ELMO1: variants seen among roughly 807,000 people sequenced by gnomAD.
The protein encoded by ELMO1 is engulfment and cell motility protein 1.
Under a neutral mutation model 98.9 loss-of-function variants are expected in ELMO1, and 26 were observed. The ratio of observed to expected loss-of-function variants is 0.26; its 90% CI spans 0.19 to 0.36. ELMO1 has a LOEUF of 0.36. ELMO1 is among the 10% of genes least tolerant of loss of function. The probability of loss-of-function intolerance (pLI) is 1.00; values close to 1 mark genes in which losing one functional copy is unlikely to be tolerated. For missense variants in ELMO1, 627 were observed against 935.2 expected (o/e 0.67, Z 4.30); for synonymous variants, 346 against 346.0 (o/e 1.00, Z 0.00).
At chr7:37,244,905 T>C (rs986390208) in intron 6 of ELMO1, among the ~76,000 whole-genome samples, 7 of 152,148 alleles carry the variant, frequency 4.6e-5, no homozygotes, top group African/African-American at 1.7e-4. Context: ...TAGTGTTAAA[T>C]CCCAAAACTG....
At chr7:37,049,816 T>A (rs1269074562) in intron 15 of ELMO1, among the ~76,000 whole-genome samples, 5 of 151,126 alleles carry the variant, frequency 3.3e-5, no homozygotes, top group Non-Finnish European at 7.4e-5. Context: ...TTGCTCTTGT[T>A]GCCCAGACTG....
intron 10 of ELMO1, among the ~76,000 whole-genome samples, chr7:37,220,463 T>G (rs1793529805): frequency 6.6e-6 from 1 of 152,230 alleles, no homozygotes; most frequent in Non-Finnish European, 1.5e-5. Context: ...TCATGGTTTA[T>G]TACTCTTTGT....
At chr7:37,278,974 G>A (rs746995641) in intron 4 of ELMO1, among the ~76,000 whole-genome samples, 6 of 152,098 alleles carry the variant, frequency 3.9e-5, no homozygotes, top group Non-Finnish European at 5.9e-5. Flanking sequence ...GGCCCAGGCC[G>A]GTGGGTCACG....
chr7:37,336,487 C>A (rs554670447), intron 2 of ELMO1, among the ~76,000 whole-genome samples: 3 of 152,154 alleles, frequency 2.0e-5, no homozygotes, highest in Non-Finnish European at 4.4e-5. Flanking sequence ...GAAACTTTAA[C>A]GTCATGAGCG....
chr7:37,123,730 C>T (rs1319865905), intron 14 of ELMO1, among the ~76,000 whole-genome samples: 1 of 152,216 alleles, frequency 6.6e-6, no homozygotes, highest in African/African-American at 2.4e-5. Flanking sequence ...TGGTACCATT[C>T]CTTCTGAAAC....
intron 16 of ELMO1, among the ~76,000 whole-genome samples, chr7:36,909,525 G>C (rs1041375273): frequency 2.0e-5 from 3 of 152,228 alleles, no homozygotes. Context: ...AGCAAAAGGG[G>C]ACATGCGCCA....
chr7:37,157,228 T>C (rs1002873763), intron 13 of ELMO1, among the ~76,000 whole-genome samples: 3 of 152,316 alleles, frequency 2.0e-5, no homozygotes, highest in African/African-American at 7.2e-5. Context: ...GGGGAAAAAC[T>C]GGAAGCATTC....
chr7:37,313,807 G>A (rs1462962331), intron 4 of ELMO1, among the ~76,000 whole-genome samples: 1 of 152,112 alleles, frequency 6.6e-6, no homozygotes, highest in Non-Finnish European at 1.5e-5. Flanking sequence ...AGGGACTACT[G>A]ACTGGGACAA....
intron 4 of ELMO1, among the ~76,000 whole-genome samples, chr7:37,302,708 C>G (rs1039128551): frequency 2.0e-5 from 3 of 152,124 alleles, no homozygotes; most frequent in African/African-American, 7.2e-5. Context: ...ATGTCCAAAT[C>G]CTGGCCTGGA....
At chr7:37,126,730 A>G (rs1367177382) in intron 14 of ELMO1, among the ~76,000 whole-genome samples, 4 of 152,316 alleles carry the variant, frequency 2.6e-5, no homozygotes, top group African/African-American at 9.6e-5. Flanking sequence ...TCAGAATCAG[A>G]TCCTGCCTTT....
intron 1 of ELMO1, among the ~76,000 whole-genome samples, chr7:37,385,616 T>C (rs534346941): frequency 7.9e-5 from 12 of 152,362 alleles, no homozygotes; most frequent in Non-Finnish European, 1.8e-4. Flanking sequence ...GTTTATTTTC[T>C]GGATCCCTGA....
chr7:37,195,644 ACCTCCTCCCAGAGCTTT>A (rs1051793983), intron 13 of ELMO1, among the ~76,000 whole-genome samples: 3 of 152,074 alleles, frequency 2.0e-5, no homozygotes, highest in African/African-American at 7.2e-5. Flanking sequence ...GAAGAACTGT[ACCTCCTCCCAGAGCTTT>A]CCTCTCCGAA....
At chr7:37,348,145 C>G (rs1368504974) in intron 1 of ELMO1, among the ~76,000 whole-genome samples, 1 of 152,180 alleles carries the variant, frequency 6.6e-6, no homozygotes, top group Non-Finnish European at 1.5e-5. Flanking sequence ...CAATGAACAT[C>G]TCATTAGAGC....
At chr7:37,375,398 G>T in intron 1 of ELMO1, 1 of 595,890 alleles carries the variant, frequency 1.7e-6, no homozygotes, top group Non-Finnish European at 3.0e-6. Flanking sequence ...GCAGAATTCA[G>T]GCCCCTCCCA....
chr7:37,222,242 ACCTAGTGAGCAT>A (rs1793636216), intron 10 of ELMO1, among the ~76,000 whole-genome samples: 1 of 152,122 alleles, frequency 6.6e-6, no homozygotes, highest in South Asian at 2.1e-4. Context: ...ACTTCCCTCA[ACCTAGTGAGCAT>A]CCCATGAAAT....
intron 1 of ELMO1, among the ~76,000 whole-genome samples, chr7:37,408,852 A>G (rs2131489339): frequency 6.6e-6 from 1 of 152,312 alleles, no homozygotes; most frequent in African/African-American, 2.4e-5. Context: ...GAATGTGCAT[A>G]TAGTTTATGC....
intron 16 of ELMO1, among the ~76,000 whole-genome samples, chr7:37,012,431 A>C (rs1562895837): frequency 1.3e-5 from 2 of 152,242 alleles, no homozygotes; most frequent in Non-Finnish European, 2.9e-5. Context: ...CGACTCTTAC[A>C]GTCACAGCCC....
At chr7:37,157,443 T>C (rs1364715125) in intron 13 of ELMO1, among the ~76,000 whole-genome samples, 1 of 152,206 alleles carries the variant, frequency 6.6e-6, no homozygotes, top group Non-Finnish European at 1.5e-5. Flanking sequence ...AAAATCTCCT[T>C]AAGCTGATAA....
intron 5 of ELMO1, chr7:37,270,936 CT>C (rs895613984): frequency 2.1e-4 from 32 of 150,848 alleles, no homozygotes; most frequent in African/African-American, 7.3e-4. Context: ...CTGACTTTTT[CT>C]TTTTTTTCTT....
Sources: allele counts gnomAD v4.1 joint callset (sites outside exome capture counted in the v4.1 genomes callset), GRCh38; gene constraint gnomAD v4.1.1; transcripts MANE v1.5; gene names NCBI Gene and HGNC (gene_info 2026-07-23, HGNC 2026-07-21).